The following DLG2 variants were observed in gnomAD, a reference collection of about 807,000 sequenced individuals.
DLG2 encodes the protein discs large MAGUK scaffold protein 2, also known as disks large homolog 2.
A neutral mutation model predicts 132.5 loss-of-function variants in DLG2; 45 were observed. That is an observed-to-expected ratio of 0.34 (90% CI 0.27 to 0.44). DLG2 has a LOEUF of 0.44. DLG2 is among the 20% of genes least tolerant of loss of function. The pLI is 1.00. For missense variants in DLG2, 1,045 were observed against 1,196.9 expected, an observed-to-expected ratio of 0.87 and a Z score of 1.87; for synonymous variants, 424 against 419.6, an observed-to-expected ratio of 1.01 and a Z score of -0.13.
At chr11:85,506,431 G>C (rs564643644) in intron 3 of DLG2, among the ~76,000 whole-genome samples, 1 of 146,026 alleles carries the variant, frequency 6.8e-6, no homozygotes, top group African/African-American at 2.5e-5. Context: ...GTTCTCATTG[G>C]TTTCAAAGGA....
intron 7 of DLG2, among the ~76,000 whole-genome samples, chr11:84,445,949 G>A (rs1036512833): frequency 6.8e-6 from 1 of 146,278 alleles, no homozygotes; most frequent in African/African-American, 2.5e-5. Flanking sequence ...ATACGTCTCA[G>A]TCATTAACTC....
chr11:84,781,087 G>GTGTA (rs1206200377), intron 6 of DLG2, among the ~76,000 whole-genome samples: 2 of 146,178 alleles, frequency 1.4e-5, no homozygotes, highest in Admixed American at 1.4e-4. Flanking sequence ...GTGTGTGTGT[G>GTGTA]TATACTTTCT....
At chr11:85,502,736 G>A (rs1471474775) in intron 3 of DLG2, among the ~76,000 whole-genome samples, 1 of 152,018 alleles carries the variant, frequency 6.6e-6, no homozygotes, top group African/African-American at 2.4e-5. Context: ...GTTGATAGGT[G>A]CGGCAAACCA....
intron 14 of DLG2, among the ~76,000 whole-genome samples, chr11:83,932,231 T>C (rs948814364): frequency 1.3e-5 from 2 of 151,762 alleles, no homozygotes; most frequent in African/African-American, 4.9e-5. Context: ...GGGTTCACAT[T>C]TGAAGATTTT....
intron 8 of DLG2, among the ~76,000 whole-genome samples, chr11:84,219,021 G>A (rs2096877888): frequency 6.6e-6 from 1 of 152,166 alleles, no homozygotes; most frequent in South Asian, 2.1e-4. Context: ...TAGAGTTGAT[G>A]TTCCAAGGAC....
intron 26 of DLG2, 55 bp downstream of exon 26, chr11:83,466,653 T>A: frequency 1.0e-6 from 1 of 976,422 alleles, no homozygotes; most frequent in East Asian, 2.4e-5. Flanking sequence ...TAATTTTCAG[T>A]ATAATACAGA....
chr11:85,287,650 C>G (rs1286205669), intron 3 of DLG2, among the ~76,000 whole-genome samples: 1 of 151,992 alleles, frequency 6.6e-6, no homozygotes, highest in Non-Finnish European at 1.5e-5. Flanking sequence ...AGTACATATC[C>G]TAGATAAACT....
intron 6 of DLG2, among the ~76,000 whole-genome samples, chr11:85,085,270 C>T (rs2067768474): frequency 2.0e-5 from 3 of 152,116 alleles, no homozygotes; most frequent in African/African-American, 4.8e-5. Flanking sequence ...AGTCCATCAT[C>T]CTATACAAGC....
chr11:84,109,123 A>T (rs866562355), intron 9 of DLG2, among the ~76,000 whole-genome samples: 3 of 152,202 alleles, frequency 2.0e-5, no homozygotes, highest in South Asian at 2.1e-4. Flanking sequence ...GTCAAAAAAA[A>T]AATAATAGGT....
At chr11:85,000,607 C>T (rs1226726515) in intron 6 of DLG2, among the ~76,000 whole-genome samples, 1 of 152,124 alleles carries the variant, frequency 6.6e-6, no homozygotes, top group Admixed American at 6.6e-5. Context: ...ATACTACATG[C>T]TTAATATGTA....
intron 6 of DLG2, among the ~76,000 whole-genome samples, chr11:84,674,180 A>G (rs2099708936): frequency 1.3e-5 from 2 of 152,148 alleles, no homozygotes; most frequent in Non-Finnish European, 2.9e-5. Flanking sequence ...CATGAAGACA[A>G]CTATGCATTC....
intron 18 of DLG2, among the ~76,000 whole-genome samples, chr11:83,646,182 A>C (rs2068103038): frequency 6.6e-6 from 1 of 152,154 alleles, no homozygotes; most frequent in Non-Finnish European, 1.5e-5. Context: ...ATCTGGACGC[A>C]AGAGGATGTG....
At chr11:83,463,259 A>AG (rs1396963566) in intron 26 of DLG2, among the ~76,000 whole-genome samples, 33 of 152,060 alleles carry the variant, frequency 2.2e-4, no homozygotes, top group Non-Finnish European at 4.7e-4. Context: ...CTATTTGGAA[A>AG]AAAAAAAAAC....
chr11:83,727,593 T>C (rs186738185), intron 18 of DLG2, among the ~76,000 whole-genome samples: 1 of 152,356 alleles, frequency 6.6e-6, no homozygotes, highest in East Asian at 1.9e-4. Context: ...GATTTCTTTG[T>C]GACTTTTCCA....
chr11:84,716,763 G>A (rs1019162746), intron 6 of DLG2, among the ~76,000 whole-genome samples: 3 of 150,540 alleles, frequency 2.0e-5, no homozygotes, highest in Admixed American at 2.0e-4. Context: ...TTTTTTTTTG[G>A]AAGAAGGTTA....
chr11:83,610,248 A>G (rs2059921456), intron 19 of DLG2, among the ~76,000 whole-genome samples: 1 of 152,102 alleles, frequency 6.6e-6, no homozygotes, highest in Non-Finnish European at 1.5e-5. Flanking sequence ...CTTCCTATCT[A>G]TGTGGTTTAC....
chr11:84,255,335 T>A (rs2097450440), intron 7 of DLG2, among the ~76,000 whole-genome samples: 1 of 152,178 alleles, frequency 6.6e-6, no homozygotes, highest in African/African-American at 2.4e-5. Context: ...ATTTTATTAT[T>A]ATTTTTGAGA....
In DLG2 at chr11:84,642,117, AGT is replaced by A. The variant is rs139383928; in HGVS notation, c.358-107388_358-107387del. Among the ~76,000 whole-genome samples, 516 of 138,598 alleles carry A rather than the reference AGT, an allele frequency of 3.7e-3. 4 individuals are homozygous for A. The highest frequency in any genetic ancestry group is 0.024 in the South Asian group (97 of 4,116). 90.9% of individuals were successfully genotyped at this position (138,598 alleles called of 152,430 possible). On this transcript the variant is annotated intron_variant, in intron 6 of 27. Transcript: ENST00000376104. ...AGTGTGTGTGTGTGTGTATATGTAG[AGT>A]GTGTGTGTGTGTGTGTGTGTGTGTA...
intron 4 of DLG2, among the ~76,000 whole-genome samples, chr11:85,225,490 G>A (rs1053554056): frequency 2.2e-4 from 34 of 151,814 alleles, no homozygotes; most frequent in African/African-American, 8.2e-4. Context: ...TCTTCTCCAG[G>A]GAAAGAGGTA....
Sources: gnomAD v4.1 joint callset for allele counts (sites outside exome capture counted in the v4.1 genomes callset) on GRCh38, gnomAD v4.1.1 for gene constraint, MANE v1.5 for transcripts, NCBI Gene and HGNC (gene_info 2026-07-23, HGNC 2026-07-21) for gene names.